The following IDI1 variants were observed in gnomAD, a reference collection of about 807,000 sequenced individuals.
IDI1 encodes isopentenyl-diphosphate Delta-isomerase 1.
Under a neutral mutation model 32.9 loss-of-function variants are expected in IDI1, and 23 were observed. The observed-to-expected ratio is 0.70, with a 90% CI of 0.50 to 0.99. The LOEUF (loss-of-function observed/expected upper bound fraction) is 0.99. Among genes scored for constraint, IDI1 ranks in the 50% least tolerant of loss-of-function variants. IDI1 has a pLI of 0.00. For missense variants in IDI1, 326 were observed against 351.9 expected, an observed-to-expected ratio of 0.93 and a Z score of 0.59; for synonymous variants, 133 against 128.2, an observed-to-expected ratio of 1.04 and a Z score of -0.25.
At position 1,043,994 on chromosome 10, in the gene IDI1, AG is replaced by A; in HGVS notation, c.313+4del. 6.2e-7 allele frequency: 1 copy of A among 1,609,134 alleles called. No homozygotes were observed. Among genetic ancestry groups the A allele is most frequent in the Non-Finnish European group, 8.5e-7 (1 of 1,178,092 alleles). ...TTTACAAGAAAGACTGTTTCAAAGCAGCACCTTTCTCAATGTTCTCGTTCAG... is the reference window on the plus strand; with the variant it reads ...TTTACAAGAAAGACTGTTTCAAAGCACACCTTTCTCAATGTTCTCGTTCAG... On this transcript the variant is annotated splice_donor_region_variant and intron_variant, in intron 2 of 4. Coordinates refer to ENST00000381344, the MANE Select transcript of IDI1 (RefSeq NM_004508.4).
chr10:1,040,965 G>T lies in IDI1; in HGVS notation c.*222C>A. On this transcript the variant is annotated 3_prime_UTR_variant, in exon 5 of 5. Transcript: ENST00000381344. The stretch of plus-strand genomic sequence containing the variant: ...TTTACAATAATCTCTCACAAATGTC[G>T]CTTAGAAACAGAACACATATCCAGG... 1 of 400,822 alleles carries T rather than the reference G, an allele frequency of 2.5e-6. No homozygotes were observed. Among genetic ancestry groups the T allele is most frequent in the Non-Finnish European group, 4.4e-6 (1 of 225,416 alleles). The allele number at this position is 400,822 out of a possible 1,614,324, so 24.8% of individuals were successfully genotyped here. A position where few individuals can be genotyped will look rare whatever the true frequency, so the allele number is the denominator to read the frequency against.
In IDI1 at chr10:1,042,711, A is replaced by G; in HGVS notation, c.458T>C (p.Leu153Pro). ...CSHPLSNPAE[L>P]EESDALGVRR... ...CACTCCAAGGGCGTCACTTTCCTCA[A>G]GCTCGGCTGGATTGCTTAATGGATG... The change falls in exon 4 of 5, where the codon CTT becomes CCT. Residue 153 changes from leucine (L) to proline (P), a missense_variant. Leu to Pro is a moderately conservative substitution (Grantham distance 98). Transcript: ENST00000381344. 6.2e-7 allele frequency: 1 copy of G among 1,614,028 alleles called. No individual in the cohort carries two copies.
chr10:1,044,290 A>C, intron 1 of IDI1, 119 bp from the exon 2 acceptor site: 1 of 695,798 alleles, frequency 1.4e-6, no homozygotes, highest in South Asian at 2.0e-5. Context: ...GCATCCCCAC[A>C]GGGACCCCAA....
At chr10:1,051,079 G>T (rs1383833334), upstream of IDI1, among the ~76,000 whole-genome samples, 2 of 152,130 alleles carry the variant, frequency 1.3e-5, no homozygotes, top group Non-Finnish European at 2.9e-5. Context: ...CATTATTTTT[G>T]ACTGTACCTC....
Position 1,042,689 on chromosome 10 carries a change from T to C in IDI1, c.480A>G (p.Gly160=). The change falls in exon 4 of 5, where the codon GGA becomes GGG. Residue 160 remains glycine (G), a synonymous_variant. Transcript: ENST00000381344. ...GCCGTCTCTGTGCTGCTCGCCTCAC[T>C]CCAAGGGCGTCACTTTCCTCAAGCT... ...PAELEESDAL[G]VRRAAQRRLK... 6.2e-7 allele frequency: 1 copy of C among 1,614,064 alleles called. No individual in the cohort carries two copies. The highest frequency in any genetic ancestry group is 1.7e-4 in the Middle Eastern group (1 of 6,056).
rs547539494 is a variant in IDI1 at position 1,048,045 on chromosome 10, T to G, written c.140+819A>C. Among the ~76,000 whole-genome samples the G allele has an allele frequency of 6.6e-5, 10 of 152,108 alleles. No individual in the cohort carries two copies. In the East Asian group the frequency reaches 1.9e-3, roughly 30 times the overall value. On this transcript the variant is annotated intron_variant, in intron 1 of 4. Coordinates refer to ENST00000381344, the MANE Select transcript of IDI1 (RefSeq NM_004508.4). ...TTTTTTCCGGGGGGATGGGGCTGGG[T>G]CTTGCTATGTCTGTCGCCCAAGCTG...
Position 1,042,567 on chromosome 10 carries a change from A to G in IDI1, c.537+65T>C, listed in dbSNP as rs1832639734. 1.9e-6 allele frequency: 3 copies of G among 1,555,798 alleles called. No individual in the cohort carries two copies. The African/African-American group carries it at 4.1e-5, about 21-fold the overall frequency. The stretch of plus-strand genomic sequence containing the variant: ...AACTACATTTGAATTTAAAAATTTT[A>G]TTAAAAACCTTTTTATAGTATGTTT... On this transcript the variant is annotated intron_variant, in intron 4 of 4. Transcript: ENST00000381344.
the IDI1 span, among the ~76,000 whole-genome samples, chr10:1,055,715 CTT>C: frequency 2.8e-4 from 37 of 132,056 alleles, no homozygotes; most frequent in East Asian, 3.9e-4. Flanking sequence ...AACTTCACTT[CTT>C]TTTTTTTTTT....
intron 1 of IDI1, chr10:1,048,608 T>C (rs904814266): frequency 4.3e-6 from 6 of 1,394,386 alleles, no homozygotes; most frequent in Non-Finnish European, 5.6e-6. Flanking sequence ...TCTTTTCCGC[T>C]GACAAAGAAT....
chr10:1,040,175 A>C lies in IDI1; in HGVS notation c.*1012T>G, dbSNP rs1832513742. 1 of 152,240 alleles carries C rather than the reference A, an allele frequency of 6.6e-6. No homozygotes were observed. The highest frequency in any genetic ancestry group is 1.5e-5 in the Non-Finnish European group (1 of 68,054). The allele number at this position is 152,240 out of a possible 1,614,324, so 9.4% of individuals were successfully genotyped here. ...GGTACAATTTTTAACATTAATATAC[A>C]CATTCCATAATCTCATCTATTTAAC... On this transcript the variant is annotated 3_prime_UTR_variant, in exon 5 of 5. Coordinates refer to ENST00000381344, the MANE Select transcript of IDI1 (RefSeq NM_004508.4).
chr10:1,053,997 A>T (rs1440571056), upstream of IDI1, among the ~76,000 whole-genome samples: 1 of 152,174 alleles, frequency 6.6e-6, no homozygotes. Flanking sequence ...AACACATAAA[A>T]CATTTATCGA....
chr10:1,051,784 G>A (rs1275011210), upstream of IDI1, among the ~76,000 whole-genome samples: 1 of 152,192 alleles, frequency 6.6e-6, no homozygotes, highest in Non-Finnish European at 1.5e-5. Context: ...TGAAAGTTGG[G>A]GTGGCTGTTG....
chr10:1,051,408 A>G (rs150242522), upstream of IDI1, among the ~76,000 whole-genome samples: 394 of 152,348 alleles, frequency 2.6e-3, no homozygotes, highest in Non-Finnish European at 4.3e-3. Flanking sequence ...AGTGGCACGA[A>G]CATATTTATT....
intron 4 of IDI1, among the ~76,000 whole-genome samples, chr10:1,041,956 G>A (rs1034081963): frequency 2.0e-5 from 3 of 151,378 alleles, no homozygotes; most frequent in African/African-American, 7.3e-5. Context: ...CAGACGTGCC[G>A]CCCCACCATG....
Position 1,042,761 on chromosome 10 carries a change from A to G in IDI1, c.408T>C (p.Gly136=). ...GACTACAACACGTATTCGTAAAACAACCTGGAAAATGGTAATACAGAGACA... is the reference window on the plus strand; with the variant it reads ...GACTACAACACGTATTCGTAAAACAGCCTGGAAAATGGTAATACAGAGACA... ...QRSDAKITFP[G]CFTNTCCSHP... is the part of the protein sequence containing the mutation. The change falls in exon 4 of 5, where the codon GGT becomes GGC. Residue 136 remains glycine, a splice_region_variant and synonymous_variant. Coordinates refer to ENST00000381344, the MANE Select transcript of IDI1 (RefSeq NM_004508.4). 1 of 1,613,594 alleles carries G rather than the reference A, an allele frequency of 6.2e-7. No homozygotes were observed. The highest frequency in any genetic ancestry group is 1.3e-5 in the African/African-American group (1 of 75,018).
chr10:1,056,163 A>AT, the IDI1 span, among the ~76,000 whole-genome samples: 1 of 152,090 alleles, frequency 6.6e-6, no homozygotes, highest in Non-Finnish European at 1.5e-5. Context: ...GAAAAAAAAA[A>AT]TGCTTTCACG....
At chr10:1,046,520 T>G (rs1832814971) in intron 1 of IDI1, among the ~76,000 whole-genome samples, 3 of 135,692 alleles carry the variant, frequency 2.2e-5, no homozygotes, top group African/African-American at 5.7e-5. Context: ...ACAGCCCAGC[T>G]GCTCCACTGT....
intron 3 of IDI1, 99 bp downstream of exon 3, chr10:1,043,202 C>T: frequency 2.7e-6 from 2 of 740,654 alleles, no homozygotes; most frequent in East Asian, 5.0e-5. Flanking sequence ...TTATGCCATT[C>T]ACAGGATTTC....
At chr10:1,054,094 A>G (rs1440960701), upstream of IDI1, among the ~76,000 whole-genome samples, 4 of 152,238 alleles carry the variant, frequency 2.6e-5, no homozygotes, top group African/African-American at 9.6e-5. Flanking sequence ...ATCACAGATC[A>G]CTATAACTGA....
Sources: gnomAD v4.1 joint callset for allele counts (sites outside exome capture counted in the v4.1 genomes callset) on GRCh38, gnomAD v4.1.1 for gene constraint, MANE v1.5 for transcripts, NCBI Gene and HGNC (gene_info 2026-07-23, HGNC 2026-07-21) for gene names.